Variants in NINJ1 observed in about 807,000 individuals in gnomAD.
The protein encoded by NINJ1 is ninjurin 1.
A neutral mutation model predicts 12.7 loss-of-function variants in NINJ1; 6 were observed. The ratio of observed to expected loss-of-function variants is 0.47; its 90% CI spans 0.26 to 0.93. NINJ1 has a LOEUF of 0.93. Among genes scored for constraint, NINJ1 ranks in the 40% least tolerant of loss-of-function variants. The probability of loss-of-function intolerance (pLI) is 0.15; values close to 1 mark genes in which losing one functional copy is unlikely to be tolerated. For missense variants in NINJ1, 170 were observed against 213.0 expected (o/e 0.80, Z 1.26); for synonymous variants, 100 against 96.0 (o/e 1.04, Z -0.25).
chr9:93,123,935 A>C (rs1564218209), intron 3 of NINJ1, among the ~76,000 whole-genome samples: 3 of 152,244 alleles, frequency 2.0e-5, no homozygotes, highest in African/African-American at 7.2e-5. Context: ...GAGAGGCTGT[A>C]TGTGGTGTGA....
intron 2 of NINJ1, chr9:93,126,196 C>CA (rs974854547): frequency 1.8e-6 from 1 of 550,134 alleles, no homozygotes; most frequent in African/African-American, 2.1e-5. Context: ...GACCTTGTTT[C>CA]AAAAAACAAA....
At chr9:93,131,540 G>C (rs990637357) in intron 1 of NINJ1, 1 of 152,290 alleles carries the variant, frequency 6.6e-6, no homozygotes, top group African/African-American at 2.4e-5. Context: ...TCAACCTGCG[G>C]GCTGTGAGGG....
At chr9:93,126,342 C>T (rs183379364) in intron 2 of NINJ1, 68 bp downstream of exon 2, 3 of 1,399,722 alleles carry the variant, frequency 2.1e-6, no homozygotes, top group African/African-American at 1.4e-5. Flanking sequence ...GGGCACCTGT[C>T]CCAGGCGATG....
chr9:93,126,314 C>G (rs1245174079), intron 2 of NINJ1, 96 bp downstream of exon 2: 3 of 1,075,232 alleles, frequency 2.8e-6, no homozygotes, highest in Non-Finnish European at 4.0e-6. Context: ...TCCTTGAGAG[C>G]CAAGTGTGCA....
intron 1 of NINJ1, among the ~76,000 whole-genome samples, chr9:93,132,172 G>A (rs1275153716): frequency 3.3e-5 from 5 of 152,208 alleles, no homozygotes; most frequent in Non-Finnish European, 7.3e-5. Context: ...CCCAAGAAAC[G>A]GAGAAGCAAG....
At chr9:93,134,074 C>A in intron 1 of NINJ1, 69 bp downstream of exon 1, 3 of 1,286,254 alleles carry the variant, frequency 2.3e-6, no homozygotes, top group Non-Finnish European at 3.2e-6. Context: ...CACAGGTGCC[C>A]GGGGAGCCGC....
intron 1 of NINJ1, among the ~76,000 whole-genome samples, chr9:93,129,357 C>T (rs1172471934): frequency 6.6e-6 from 1 of 152,244 alleles, no homozygotes; most frequent in African/African-American, 2.4e-5. Context: ...GTGCCTCAGT[C>T]TTCCATGTGT....
intron 1 of NINJ1, among the ~76,000 whole-genome samples, chr9:93,127,505 C>T (rs778321351): frequency 1.3e-5 from 2 of 152,078 alleles, no homozygotes; most frequent in Admixed American, 6.5e-5. Context: ...CCAGGACTTC[C>T]CCTGGCAGGA....
Position 93,134,227 on chromosome 9 carries a change from G to A in NINJ1, c.-10C>T, listed in dbSNP as rs1473299497. The A allele has an allele frequency of 1.3e-4, 197 of 1,469,470 alleles. No homozygotes were observed. The highest frequency in any genetic ancestry group is 2.2e-4 in the Middle Eastern group (1 of 4,480). The allele number at this position is 1,469,470 out of a possible 1,614,324, so 91.0% of individuals were successfully genotyped here. A position where few individuals can be genotyped will look rare whatever the true frequency, so the allele number is the denominator to read the frequency against. ...CGGTTCCCGAGTCCATGGTGCGGCCGCCCAGGCCGCCAGGATCCGGGCCTG... is the reference window on the plus strand; with the variant it reads ...CGGTTCCCGAGTCCATGGTGCGGCCACCCAGGCCGCCAGGATCCGGGCCTG... On this transcript the variant is annotated 5_prime_UTR_variant, in exon 1 of 4. Transcript: ENST00000375446.
intron 1 of NINJ1, among the ~76,000 whole-genome samples, chr9:93,130,097 A>G (rs1827869291): frequency 6.6e-6 from 1 of 152,202 alleles, no homozygotes; most frequent in Non-Finnish European, 1.5e-5. Context: ...CAGGGAATAA[A>G]CACCCTGGTT....
At chr9:93,123,406 T>C (rs10992645) in intron 3 of NINJ1, among the ~76,000 whole-genome samples, 7,234 of 152,180 alleles carry the variant, frequency 0.048, 316 homozygotes, top group East Asian at 0.24. Flanking sequence ...TGCCTCACCC[T>C]CCTGAGTAGC....
intron 1 of NINJ1, 56 bp downstream of exon 1, chr9:93,134,087 C>A (rs113782403): frequency 7.4e-7 from 1 of 1,359,784 alleles, no homozygotes; most frequent in South Asian, 1.4e-5. Context: ...GGAGCCGCGG[C>A]GCCCCGAAAG....
intron 3 of NINJ1, among the ~76,000 whole-genome samples, chr9:93,122,730 G>A (rs1369524685): frequency 6.6e-6 from 1 of 152,190 alleles, no homozygotes; most frequent in Non-Finnish European, 1.5e-5. Flanking sequence ...CGAAGCCTGA[G>A]ACCTCTCTGA....
chr9:93,131,893 A>T (rs1199428565), intron 1 of NINJ1, among the ~76,000 whole-genome samples: 1 of 152,098 alleles, frequency 6.6e-6, no homozygotes, highest in East Asian at 1.9e-4. Flanking sequence ...GCCCCATTTT[A>T]CAGAAAAGGA....
intron 3 of NINJ1, among the ~76,000 whole-genome samples, chr9:93,124,274 T>G (rs981526877): frequency 2.6e-5 from 4 of 152,108 alleles, no homozygotes; most frequent in Admixed American, 6.5e-5. Flanking sequence ...CGGAAATCTT[T>G]GGGTTTTGGG....
At chr9:93,126,724 C>T (rs1827817487) in intron 1 of NINJ1, 86 bp from the exon 2 acceptor site, 2 of 1,066,908 alleles carry the variant, frequency 1.9e-6, no homozygotes, top group Non-Finnish European at 1.3e-6. Flanking sequence ...TCACCGGGCC[C>T]TGCAGGTGAG....
intron 1 of NINJ1, 44 bp downstream of exon 1, chr9:93,134,099 A>G (rs773773814): frequency 6.9e-7 from 1 of 1,444,300 alleles, no homozygotes; most frequent in South Asian, 1.3e-5. Flanking sequence ...CCCCGAAAGG[A>G]CAGGGCCTGG....
chr9:93,125,087 G>A (rs1318067094), intron 2 of NINJ1, 25 bp from the exon 3 acceptor site: 2 of 1,597,722 alleles, frequency 1.3e-6, no homozygotes, highest in East Asian at 4.5e-5. Flanking sequence ...GGAGTGGATG[G>A]TGCCAAGGGC....
Position 93,126,632 on chromosome 9 carries a change from G to A in NINJ1, c.82C>T (p.Arg28Cys), listed in dbSNP as rs536006000. 5.0e-6 allele frequency: 8 copies of A among 1,597,944 alleles called. No individual in the cohort carries two copies. Among genetic ancestry groups the A allele is most frequent in the South Asian group, 3.3e-5 (3 of 90,082 alleles). The change falls in exon 2 of 4, where the codon CGC (arginine) becomes TGC (cysteine). Residue 28 changes from arginine (R) to cysteine (C), a missense_variant. Coordinates refer to ENST00000375446, the MANE Select transcript of NINJ1 (RefSeq NM_004148.4). Reference sequence around the variant, plus strand: ...ATGGGCCCGTGCCTCCAGCCCCAGCGGGCCGGCTGCAGGGAGGGGAATGGT... The same window carrying A: ...ATGGGCCCGTGCCTCCAGCCCCAGCAGGCCGGCTGCAGGGAGGGGAATGGT... ...TPGSPDASPA[R>C]WGWRHGPINV... is the part of the protein sequence containing the mutation.
Sources: allele counts gnomAD v4.1 joint callset (sites outside exome capture counted in the v4.1 genomes callset), GRCh38; gene constraint gnomAD v4.1.1; transcripts MANE v1.5; gene names NCBI Gene and HGNC (gene_info 2026-07-23, HGNC 2026-07-21).